The following ZNF776 variants were observed in gnomAD, a reference collection of about 807,000 sequenced individuals.
ZNF776 encodes zinc finger protein 776.
A neutral mutation model predicts 7.0 loss-of-function variants in ZNF776; 4 were observed. That is an observed-to-expected ratio of 0.57 (90% CI 0.28 to 1.31). The LOEUF is 1.31. Ranked by LOEUF, ZNF776 falls within the 50% of genes most tolerant of loss-of-function variation. The pLI is 0.10. For synonymous variants in ZNF776, 212 were observed against 213.7 expected, an observed-to-expected ratio of 0.99 and a Z score of 0.07; for missense variants, 555 against 625.9, an observed-to-expected ratio of 0.89 and a Z score of 1.21.
At chr19:57,747,455 A>C (rs1986470349) in intron 1 of ZNF776, among the ~76,000 whole-genome samples, 1 of 152,176 alleles carries the variant, frequency 6.6e-6, no homozygotes, top group Non-Finnish European at 1.5e-5. Context: ...AGGAAGGAAA[A>C]GATCAATGTC....
intron 2 of ZNF776, among the ~76,000 whole-genome samples, 188 bp downstream of exon 2, chr19:57,751,099 G>A (rs958544328): frequency 1.3e-5 from 2 of 151,978 alleles, no homozygotes; most frequent in African/African-American, 4.8e-5. Flanking sequence ...TCCTTGAGCA[G>A]CCCCAACACC....
In ZNF776 at chr19:57,746,957, C is replaced by T; in HGVS notation, c.-102C>T. ...AGGCTGCTCTGCAGCTCCTTAAAGGCGCTAGGCGTGACCCGCACCAAGGCC... is the reference window on the plus strand; with the variant it reads ...AGGCTGCTCTGCAGCTCCTTAAAGGTGCTAGGCGTGACCCGCACCAAGGCC... On this transcript the variant is annotated 5_prime_UTR_variant, in exon 1 of 3. Coordinates refer to ENST00000317178, the MANE Select transcript of ZNF776 (RefSeq NM_173632.4). The T allele has an allele frequency of 1.6e-6, 2 of 1,247,290 alleles. No homozygotes were observed. The highest frequency in any genetic ancestry group is 1.5e-5 in the African/African-American group (1 of 66,404). 77.3% of individuals were successfully genotyped at this position (1,247,290 alleles called of 1,614,324 possible). A position where few individuals can be genotyped will look rare whatever the true frequency, so the allele number is the denominator to read the frequency against.
At chr19:57,748,873 G>A (rs1296812081) in intron 1 of ZNF776, among the ~76,000 whole-genome samples, 4 of 151,998 alleles carry the variant, frequency 2.6e-5, no homozygotes, top group Non-Finnish European at 4.4e-5. Context: ...GTAGTGTGTG[G>A]GGGGTTTCAT....
intron 2 of ZNF776, among the ~76,000 whole-genome samples, chr19:57,751,941 G>A (rs569158954): frequency 2.4e-5 from 3 of 123,480 alleles, no homozygotes; most frequent in Admixed American, 2.3e-4. Flanking sequence ...GCCCAATCTC[G>A]GCTCACTGCA....
Position 57,754,908 on chromosome 19 carries a change from C to T in ZNF776, c.*221C>T, listed in dbSNP as rs1986732305. ...TTGCCTCACCAAATACCAGAAGGGT[C>T]ACACTGGAGAAAGACCCTATAGTTA... is the stretch of plus-strand genomic sequence containing the variant. On this transcript the variant is annotated 3_prime_UTR_variant, in exon 3 of 3. Transcript: ENST00000317178. 4 of 572,922 alleles carry T rather than the reference C, an allele frequency of 7.0e-6. No individual in the cohort carries two copies. The highest frequency in any genetic ancestry group is 1.9e-5 in the African/African-American group (1 of 53,366). 35.5% of individuals were successfully genotyped at this position (572,922 alleles called of 1,614,324 possible).
intron 1 of ZNF776, among the ~76,000 whole-genome samples, chr19:57,747,772 T>C (rs1044549155): frequency 2.6e-5 from 4 of 151,606 alleles, no homozygotes; most frequent in African/African-American, 9.7e-5. Flanking sequence ...AAGCGGAGGG[T>C]GTTATTCCCT....
chr19:57,746,828 A>G lies in ZNF776; in HGVS notation c.-231A>G, dbSNP rs759909646. 1.9e-5 allele frequency: 8 copies of G among 418,964 alleles called. No individual in the cohort carries two copies. The highest frequency in any genetic ancestry group is 3.0e-5 in the Non-Finnish European group (7 of 234,752). 26.0% of individuals were successfully genotyped at this position (418,964 alleles called of 1,614,324 possible). On this transcript the variant is annotated 5_prime_UTR_variant, in exon 1 of 3. Coordinates refer to ENST00000317178, the MANE Select transcript of ZNF776 (RefSeq NM_173632.4). ...GCGTCCTCTACTAGTGGCCATTTTG[A>G]TTGGTGTTGGGTGTATTTTCCAGTG...
chr19:57,749,291 A>G (rs755292263), intron 1 of ZNF776: 9 of 152,334 alleles, frequency 5.9e-5, no homozygotes, highest in Non-Finnish European at 1.0e-4. Flanking sequence ...TTAAATGGCA[A>G]TGGTATTAGG....
At position 57,746,868 on chromosome 19, in the gene ZNF776, G is replaced by T. The variant is rs915883335; in HGVS notation, c.-191G>T. The T allele has an allele frequency of 1.2e-5, 6 of 517,442 alleles. No homozygotes were observed. Among genetic ancestry groups the T allele is most frequent in the African/African-American group, 1.9e-5 (1 of 52,218 alleles). The allele number at this position is 517,442 out of a possible 1,614,324, so 32.1% of individuals were successfully genotyped here. Reference sequence around the variant, plus strand: ...ATTTTCCAGTGAGAGACCGCGGAGTGTTGGGTCGTGTAGAAGTGACTGAAC... The same window carrying T: ...ATTTTCCAGTGAGAGACCGCGGAGTTTTGGGTCGTGTAGAAGTGACTGAAC... On this transcript the variant is annotated 5_prime_UTR_variant, in exon 1 of 3. Coordinates refer to ENST00000317178, the MANE Select transcript of ZNF776 (RefSeq NM_173632.4).
chr19:57,750,945 C>G, intron 2 of ZNF776, 34 bp downstream of exon 2: 1 of 1,580,828 alleles, frequency 6.3e-7, no homozygotes, highest in Non-Finnish European at 8.6e-7. Flanking sequence ...ATGACCTCAG[C>G]TATTGTCTGT....
chr19:57,753,027 T>C (rs556382413), intron 2 of ZNF776, among the ~76,000 whole-genome samples: 7 of 152,226 alleles, frequency 4.6e-5, no homozygotes, highest in Non-Finnish European at 1.0e-4. Context: ...GTCTTCTTCA[T>C]ATTACTGGGT....
chr19:57,754,074 C>T lies in ZNF776; in HGVS notation c.944C>T (p.Thr315Ile). 3 of 1,614,056 alleles carry T rather than the reference C, an allele frequency of 1.9e-6. No individual in the cohort carries two copies. Among genetic ancestry groups the T allele is most frequent in the Non-Finnish European group, 1.7e-6 (2 of 1,179,994 alleles). ...HSLVDHQRVH[T>I]GERPYECDEC... ...CTTGTTGACCATCAGCGAGTTCACA[C>T]TGGAGAAAGACCTTATGAATGTGAC... Residue 315 changes from threonine to isoleucine, a missense_variant, in exon 3 of 3, where the codon ACT becomes ATT. Physicochemically the swap from Thr to Ile is moderately conservative, Grantham distance 89 (BLOSUM62 -1). Coordinates refer to ENST00000317178, the MANE Select transcript of ZNF776 (RefSeq NM_173632.4).
At chr19:57,751,994 C>T (rs1054289075) in intron 2 of ZNF776, among the ~76,000 whole-genome samples, 3 of 150,776 alleles carry the variant, frequency 2.0e-5, no homozygotes, top group East Asian at 4.0e-4. Context: ...GCCTCAGCCT[C>T]CCGAGTAGCT....
rs1986761481 is a variant in ZNF776 at position 57,755,859 on chromosome 19, C to T, written c.*1172C>T. ...CCAGAAAAAAAGTTCAAGTTGTCTC[C>T]CATTCAGCAGTGGTATTTTTGAGTA... On this transcript the variant is annotated 3_prime_UTR_variant, in exon 3 of 3. Coordinates refer to ENST00000317178, the MANE Select transcript of ZNF776 (RefSeq NM_173632.4). 1 of 152,200 alleles carries T rather than the reference C, an allele frequency of 6.6e-6. No homozygotes were observed. Among genetic ancestry groups the T allele is most frequent in the Non-Finnish European group, 1.5e-5 (1 of 68,048 alleles). 9.4% of individuals were successfully genotyped at this position (152,200 alleles called of 1,614,324 possible).
chr19:57,746,942 G>T lies in ZNF776; in HGVS notation c.-117G>T, dbSNP rs768023329. The T allele has an allele frequency of 6.5e-5, 70 of 1,074,886 alleles. No homozygotes were observed. Among genetic ancestry groups the T allele is most frequent in the Admixed American group, 2.3e-4 (8 of 35,456 alleles). The allele number at this position is 1,074,886 out of a possible 1,614,324, so 66.6% of individuals were successfully genotyped here. The stretch of plus-strand genomic sequence containing the variant: ...GTCCCGACTGCACAGAGGCTGCTCT[G>T]CAGCTCCTTAAAGGCGCTAGGCGTG... On this transcript the variant is annotated 5_prime_UTR_variant, in exon 1 of 3. Coordinates refer to ENST00000317178, the MANE Select transcript of ZNF776 (RefSeq NM_173632.4).
rs1380074810 is a variant in ZNF776, at chr19:57,756,406, A to G, written c.*1719A>G. On this transcript the variant is annotated 3_prime_UTR_variant, in exon 3 of 3. Transcript: ENST00000317178. The stretch of plus-strand genomic sequence containing the variant: ...ATTGTGTGAATTGTATACTCACTGC[A>G]TTGTGTGGCTTAGATACAACATGGT... 1.3e-5 allele frequency: 2 copies of G among 152,494 alleles called. No individual in the cohort carries two copies. The highest frequency in any genetic ancestry group is 2.9e-5 in the Non-Finnish European group (2 of 68,324). 9.4% of individuals were successfully genotyped at this position (152,494 alleles called of 1,614,324 possible).
Position 57,754,373 on chromosome 19 carries a change from T to TA in ZNF776, c.1244dup (p.Tyr415Ter). ...ECKECRKSFR[Y>*]KSHLTEHQRV... ...TAAAGAATGTAGGAAATCATTTAGG[T>TA]ACAAGTCACACCTCACTGAACACCA... is the stretch of plus-strand genomic sequence containing the variant. The change falls in exon 3 of 3, where the codon TAC becomes TAAC. Residue 415 changes from tyrosine to a stop codon, truncating the protein, a stop_gained and frameshift_variant. Coordinates refer to ENST00000317178, the MANE Select transcript of ZNF776 (RefSeq NM_173632.4). LOFTEE classifies it low-confidence loss of function (END_TRUNC). 6.2e-7 allele frequency: 1 copy of TA among 1,613,358 alleles called. No individual in the cohort carries two copies. Among genetic ancestry groups the TA allele is most frequent in the African/African-American group, 1.3e-5 (1 of 74,768 alleles).
chr19:57,753,842 T>C lies in ZNF776; in HGVS notation c.712T>C (p.Cys238Arg), dbSNP rs1986685506. Reference protein sequence around the residue: ...RLLPREGPYVCSDSGKFTSKS... With the variant: ...RLLPREGPYVRSDSGKFTSKS... ...TCTCCCTAGAGAAGGACCTTATGTA[T>C]GCAGTGATTCTGGGAAATTCACTAG... Residue 238 changes from cysteine (C) to arginine (R), a missense_variant, in exon 3 of 3, where the codon TGC becomes CGC. Transcript: ENST00000317178. 1 of 1,614,110 alleles carries C rather than the reference T, an allele frequency of 6.2e-7. No homozygotes were observed. Among genetic ancestry groups the C allele is most frequent in the Non-Finnish European group, 8.5e-7 (1 of 1,180,040 alleles).
intron 1 of ZNF776, among the ~76,000 whole-genome samples, chr19:57,747,937 G>T (rs1023384727): frequency 8.6e-5 from 13 of 151,670 alleles, no homozygotes; most frequent in African/African-American, 2.9e-4. Flanking sequence ...ATATATGGAG[G>T]TATTCCCATT....
Sources: gnomAD v4.1 joint callset for allele counts (sites outside exome capture counted in the v4.1 genomes callset) on GRCh38, gnomAD v4.1.1 for gene constraint, MANE v1.5 for transcripts, NCBI Gene and HGNC (gene_info 2026-07-23, HGNC 2026-07-21) for gene names.